The following MAFK variants were observed in gnomAD, a reference collection of about 807,000 sequenced individuals.
The protein encoded by MAFK is transcription factor MafK.
A neutral mutation model predicts 9.2 loss-of-function variants in MAFK; 1 was observed. The ratio of observed to expected loss-of-function variants is 0.11; its 90% CI spans 0.04 to 0.52. MAFK has a LOEUF of 0.52. MAFK is among the 20% of genes least tolerant of loss of function. The pLI is 0.94. For synonymous variants in MAFK, 110 were observed against 107.4 expected, an observed-to-expected ratio of 1.02 and a Z score of -0.15; for missense variants, 207 against 236.0, an observed-to-expected ratio of 0.88 and a Z score of 0.81.
intron 1 of MAFK, 175 bp from the exon 2 acceptor site, chr7:1,538,974 C>T: frequency 3.4e-6 from 2 of 596,008 alleles, no homozygotes; most frequent in East Asian, 3.0e-5. Flanking sequence ...GGATGCCTCA[C>T]CCCCTGGGAA....
intron 1 of MAFK, chr7:1,533,967 T>G: frequency 2.9e-6 from 1 of 341,598 alleles, no homozygotes; most frequent in Non-Finnish European, 5.9e-6. Context: ...TGTGGTGTGT[T>G]CTGCAGTCTG....
At position 1,540,034 on chromosome 7, in the gene MAFK, C is replaced by G; in HGVS notation, c.130C>G (p.Leu44Val). ...GGAGCTGAACCAGCACCTGCGGGGT[C>G]TCACCAAGGAGGAGGTGACCCGCCT... ...VRELNQHLRG[L>V]TKEEVTRLKQ... The change falls in exon 3 of 3, where the codon CTC becomes GTC. Residue 44 changes from leucine (L) to valine (V), a missense_variant. Transcript: ENST00000343242. 6.4e-7 allele frequency: 1 copy of G among 1,559,582 alleles called. No individual in the cohort carries two copies. Among genetic ancestry groups the G allele is most frequent in the Non-Finnish European group, 8.7e-7 (1 of 1,151,792 alleles).
At chr7:1,537,306 C>A in intron 1 of MAFK, 1 of 898,412 alleles carries the variant, frequency 1.1e-6, no homozygotes, top group Non-Finnish European at 1.3e-6. Context: ...CGGGTCCTTG[C>A]TGGGTGGGAG....
Position 1,534,594 on chromosome 7 carries a change from T to C in MAFK, c.-45+3696T>C. The C allele has an allele frequency of 4.4e-6, 2 of 456,352 alleles. No homozygotes were observed. Among genetic ancestry groups the C allele is most frequent in the East Asian group, 6.9e-5 (1 of 14,412 alleles). 28.3% of individuals were successfully genotyped at this position (456,352 alleles called of 1,614,324 possible). A position where few individuals can be genotyped will look rare whatever the true frequency, so the allele number is the denominator to read the frequency against. On this transcript the variant is annotated intron_variant, in intron 1 of 2. Coordinates refer to ENST00000343242, the MANE Select transcript of MAFK (RefSeq NM_002360.4). This position sits in a 1 kb window ranked among gnomAD's most constrained non-coding sequence, Gnocchi z 4.3. ...TCCTGCCCCTCCTCCCTCTCCCGCA[T>C]CCCACATCCTCGGAGACCCGCGGAG...
In MAFK at chr7:1,530,880, G is replaced by C; in HGVS notation, c.-63G>C. 7.0e-6 allele frequency: 1 copy of C among 141,922 alleles called. No homozygotes were observed. The highest frequency in any genetic ancestry group is 2.2e-4 in the South Asian group (1 of 4,562). 8.8% of individuals were successfully genotyped at this position (141,922 alleles called of 1,614,324 possible). On this transcript the variant is annotated 5_prime_UTR_variant, in exon 1 of 3. Transcript: ENST00000343242. ...CCGCGAGGAGCCGCCGCGCGCCCGC[G>C]CCCTCCGCGCGACGCCAGGTGAGGG...
chr7:1,538,445 G>A (rs1023221338), intron 1 of MAFK: 11 of 984,714 alleles, frequency 1.1e-5, no homozygotes, highest in East Asian at 1.1e-4. Context: ...CAGCCGCAGC[G>A]GCCAGGGCCG....
chr7:1,540,009 G>A lies in MAFK; in HGVS notation c.105G>A (p.Arg35=). 9 of 1,558,412 alleles carry A rather than the reference G, an allele frequency of 5.8e-6. No homozygotes were observed. The highest frequency in any genetic ancestry group is 7.8e-6 in the Non-Finnish European group (9 of 1,151,176). The change falls in exon 3 of 3, where the codon CGG becomes CGA. Residue 35 remains arginine, a synonymous_variant. Coordinates refer to ENST00000343242, the MANE Select transcript of MAFK (RefSeq NM_002360.4). ...SDDELVSMSV[R]ELNQHLRGLT... ...ATGAGCTGGTGTCCATGTCGGTGCG[G>A]GAGCTGAACCAGCACCTGCGGGGTC...
rs372119240 is a variant in MAFK at position 1,540,260 on chromosome 7, G to A, written c.356G>A (p.Arg119His). 4.5e-5 allele frequency: 72 copies of A among 1,610,286 alleles called. No homozygotes were observed. Among genetic ancestry groups the A allele is most frequent in the Non-Finnish European group, 5.3e-5 (63 of 1,178,962 alleles). Residue 119 changes from arginine to histidine, a missense_variant, in exon 3 of 3, where the codon CGC becomes CAC. Transcript: ENST00000343242. ...TACGAGGCGCTGCAGACCTTCGCGCGCACCGTGGCCCGGGGACCTGTGGCG... is the reference window on the plus strand; with the variant it reads ...TACGAGGCGCTGCAGACCTTCGCGCACACCGTGGCCCGGGGACCTGTGGCG... ...SKYEALQTFA[R>H]TVARGPVAPS...
rs1427748422 is a variant in MAFK at position 1,542,247 on chromosome 7, A to G, written c.*1872A>G. The G allele has an allele frequency of 6.6e-6, 1 of 152,600 alleles. No individual in the cohort carries two copies. Among genetic ancestry groups the G allele is most frequent in the Non-Finnish European group, 1.5e-5 (1 of 68,038 alleles). 9.5% of individuals were successfully genotyped at this position (152,600 alleles called of 1,614,324 possible). On this transcript the variant is annotated 3_prime_UTR_variant, in exon 3 of 3. Transcript: ENST00000343242. ...AACAGAAAATATATAGAGATATAAA[A>G]TTATATTCACAGTTTATCTACAGAT...
In MAFK at chr7:1,542,362, A is replaced by T. The variant is rs1258320121; in HGVS notation, c.*1987A>T. 1 of 152,582 alleles carries T rather than the reference A, an allele frequency of 6.6e-6. No homozygotes were observed. Among genetic ancestry groups the T allele is most frequent in the Non-Finnish European group, 1.5e-5 (1 of 68,070 alleles). The allele number at this position is 152,582 out of a possible 1,614,324, so 9.5% of individuals were successfully genotyped here. The stretch of plus-strand genomic sequence containing the variant: ...CGGGCACAGGTGGGAGTTGGGAGCA[A>T]AGCGGAGGCCCGGGCTGCCCGCCGT... On this transcript the variant is annotated 3_prime_UTR_variant, in exon 3 of 3. Transcript: ENST00000343242.
At chr7:1,536,692 G>C (rs1784039172) in intron 1 of MAFK, among the ~76,000 whole-genome samples, 1 of 152,248 alleles carries the variant, frequency 6.6e-6, no homozygotes. Context: ...TCTTGCCTCT[G>C]ATGTTTAAAG....
intron 2 of MAFK, 83 bp downstream of exon 2, chr7:1,539,311 C>CCTCCATCACAGGCTCAGGA: frequency 8.5e-7 from 1 of 1,171,460 alleles, no homozygotes; most frequent in Non-Finnish European, 1.2e-6. Context: ...TATCCCAGGG[C>CCTCCATCACAGGCTCAGGA]CGTCCTGAGC....
chr7:1,537,169 C>G (rs1784051051), intron 1 of MAFK, among the ~76,000 whole-genome samples: 1 of 152,226 alleles, frequency 6.6e-6, no homozygotes, highest in African/African-American at 2.4e-5. Flanking sequence ...ACGCTGAACT[C>G]TGCCCCTGGC....
chr7:1,534,396 G>C lies in MAFK; in HGVS notation c.-45+3498G>C, dbSNP rs1405735807. The C allele has an allele frequency of 1.1e-5, 5 of 441,304 alleles. No individual in the cohort carries two copies. The highest frequency in any genetic ancestry group is 1.0e-4 in the African/African-American group (5 of 49,904). The allele number at this position is 441,304 out of a possible 1,614,324, so 27.3% of individuals were successfully genotyped here. ...GAGGGCACCCGGCTTGGGGTCTCTG[G>C]CAGAAAGGCTCCTGGGAGAGGCGGG... On this transcript the variant is annotated intron_variant, in intron 1 of 2. Transcript: ENST00000343242. This position sits in a 1 kb window ranked among gnomAD's most constrained non-coding sequence, Gnocchi z 4.3.
rs1784206068 is a variant in MAFK, at chr7:1,542,099, C to T, written c.*1724C>T. Reference sequence around the variant, plus strand: ...AGTTGAGTGGGAAGCTGCAGGCCCGCCAGGACCACTGGGTCCCTACAGAGC... The same window carrying T: ...AGTTGAGTGGGAAGCTGCAGGCCCGTCAGGACCACTGGGTCCCTACAGAGC... On this transcript the variant is annotated 3_prime_UTR_variant, in exon 3 of 3. Transcript: ENST00000343242. 6.6e-6 allele frequency: 1 copy of T among 152,286 alleles called. No homozygotes were observed. Among genetic ancestry groups the T allele is most frequent in the Non-Finnish European group, 1.5e-5 (1 of 68,056 alleles). The allele number at this position is 152,286 out of a possible 1,614,324, so 9.4% of individuals were successfully genotyped here. A position where few individuals can be genotyped will look rare whatever the true frequency, so the allele number is the denominator to read the frequency against.
chr7:1,541,723 C>G lies in MAFK; in HGVS notation c.*1348C>G, dbSNP rs560617133. Reference sequence around the variant, plus strand: ...TCCTCACCCGGAGCCTTTGCCTGCTCCTCCTTCCAAGAGCACTGAGGCACC... The same window carrying G: ...TCCTCACCCGGAGCCTTTGCCTGCTGCTCCTTCCAAGAGCACTGAGGCACC... On this transcript the variant is annotated 3_prime_UTR_variant, in exon 3 of 3. Coordinates refer to ENST00000343242, the MANE Select transcript of MAFK (RefSeq NM_002360.4). 1 of 152,212 alleles carries G rather than the reference C, an allele frequency of 6.6e-6. No individual in the cohort carries two copies. The highest frequency in any genetic ancestry group is 2.4e-5 in the African/African-American group (1 of 41,442). The allele number at this position is 152,212 out of a possible 1,614,324, so 9.4% of individuals were successfully genotyped here.
chr7:1,542,150 C>T lies in MAFK; in HGVS notation c.*1775C>T, dbSNP rs1270159906. 4 of 152,382 alleles carry T rather than the reference C, an allele frequency of 2.6e-5. No homozygotes were observed. The highest frequency in any genetic ancestry group is 4.4e-5 in the Non-Finnish European group (3 of 68,040). The allele number at this position is 152,382 out of a possible 1,614,324, so 9.4% of individuals were successfully genotyped here. ...AAAGGCCTGCGTGTTCCCAAACAGC[C>T]GTTGCCCCCGTGGCCGTGGTAGGTA... On this transcript the variant is annotated 3_prime_UTR_variant, in exon 3 of 3. Transcript: ENST00000343242.
intron 2 of MAFK, 138 bp downstream of exon 2, chr7:1,539,366 TG>T: frequency 1.5e-6 from 1 of 685,388 alleles, no homozygotes; most frequent in Middle Eastern, 2.5e-4. Flanking sequence ...GGGGCTGCTG[TG>T]GCCGAGGGAT....
At chr7:1,538,272 G>A in intron 1 of MAFK, 1 of 985,308 alleles carries the variant, frequency 1.0e-6, no homozygotes, top group Non-Finnish European at 1.2e-6. Flanking sequence ...CGGCGGCGGG[G>A]ACGACTCCCG....
Sources: allele counts gnomAD v4.1 joint callset (sites outside exome capture counted in the v4.1 genomes callset), GRCh38; gene constraint gnomAD v4.1.1; non-coding constraint Gnocchi (gnomAD v3.1); transcripts MANE v1.5; gene names NCBI Gene and HGNC (gene_info 2026-07-23, HGNC 2026-07-21).